Variants in CDH13 observed in about 807,000 individuals in gnomAD.
CDH13 encodes cadherin 13.
CDH13 carries 24 observed loss-of-function variants against 63.8 expected under a neutral mutation model. The observed-to-expected ratio is 0.38, with a 90% CI of 0.27 to 0.53. The LOEUF (loss-of-function observed/expected upper bound fraction) is 0.53, where lower values mean the gene tolerates loss of function less well. CDH13 is among the 20% of genes least tolerant of loss of function. The probability of loss-of-function intolerance (pLI) is 0.85; values close to 1 mark genes in which losing one functional copy is unlikely to be tolerated. For synonymous variants in CDH13, 503 were observed against 355.3 expected, an observed-to-expected ratio of 1.42 and a Z score of -4.67; for missense variants, 1,049 against 903.1, an observed-to-expected ratio of 1.16 and a Z score of -2.07.
chr16:83,512,190 G>A (rs2074584143), intron 7 of CDH13, among the ~76,000 whole-genome samples: 1 of 151,384 alleles, frequency 6.6e-6, no homozygotes, highest in South Asian at 2.1e-4. Flanking sequence ...ACATGGTGGC[G>A]GGTGCCTGTA....
intron 1 of CDH13, among the ~76,000 whole-genome samples, chr16:82,667,537 C>T (rs888577479): frequency 2.0e-5 from 3 of 152,132 alleles, no homozygotes; most frequent in Non-Finnish European, 4.4e-5. Flanking sequence ...TGATGGGGCT[C>T]CTCTACCGAG....
chr16:83,175,089 A>G (rs78134466), intron 4 of CDH13, among the ~76,000 whole-genome samples: 1,795 of 152,138 alleles, frequency 0.012, 30 homozygotes, highest in African/African-American at 0.04. Context: ...GCTGGTGGCT[A>G]TTATATGCAG....
At chr16:82,741,140 T>C (rs1411221945) in intron 1 of CDH13, among the ~76,000 whole-genome samples, 2 of 152,182 alleles carry the variant, frequency 1.3e-5, no homozygotes, top group African/African-American at 2.4e-5. Flanking sequence ...CCAAAACTTG[T>C]CCTGTTCATT....
At chr16:83,180,145 T>TG (rs1302190356) in intron 4 of CDH13, among the ~76,000 whole-genome samples, 10 of 149,446 alleles carry the variant, frequency 6.7e-5, no homozygotes, top group African/African-American at 2.0e-4. Context: ...TAAGGTTTTT[T>TG]TTGTTGTTGT....
At chr16:83,719,439 G>A (rs1909385471) in intron 10 of CDH13, among the ~76,000 whole-genome samples, 1 of 149,090 alleles carries the variant, frequency 6.7e-6, no homozygotes, top group Non-Finnish European at 1.5e-5. Context: ...CTCACCCACG[G>A]CCCTCTCAGT....
chr16:82,837,731 A>T (rs1270061989), intron 1 of CDH13, among the ~76,000 whole-genome samples: 1 of 152,184 alleles, frequency 6.6e-6, no homozygotes, highest in Non-Finnish European at 1.5e-5. Flanking sequence ...CTGGGAGCTC[A>T]TCGAGCTGGT....
At chr16:83,487,888 A>C (rs561948578) in intron 7 of CDH13, among the ~76,000 whole-genome samples, 19 of 152,326 alleles carry the variant, frequency 1.2e-4, no homozygotes, top group Middle Eastern at 3.4e-3. Flanking sequence ...GGATTACATC[A>C]ACCCCTTCTA....
intron 1 of CDH13, among the ~76,000 whole-genome samples, chr16:82,762,155 C>T (rs1352553793): frequency 1.3e-5 from 2 of 152,104 alleles, no homozygotes; most frequent in Non-Finnish European, 2.9e-5. Flanking sequence ...CCCCAAGTGA[C>T]CTGCACATCG....
chr16:83,315,433 C>G (rs972883907), intron 5 of CDH13, among the ~76,000 whole-genome samples: 1 of 152,168 alleles, frequency 6.6e-6, no homozygotes, highest in African/African-American at 2.4e-5. Flanking sequence ...TAAACCTCAC[C>G]TCCAACCCCA....
intron 5 of CDH13, among the ~76,000 whole-genome samples, chr16:83,251,603 GGGGCCAGTTCTAGAGAA>G (rs1439046819): frequency 6.6e-6 from 1 of 152,202 alleles, no homozygotes; most frequent in Non-Finnish European, 1.5e-5. Flanking sequence ...AGCAGAGGGT[GGGGCCAGTTCTAGAGAA>G]GGCACATCAC....
rs140674704 is a variant in CDH13 at position 82,881,968 on chromosome 16, A to G, written c.157+23495A>G. Among the ~76,000 whole-genome samples the G allele has an allele frequency of 3.2e-3, 485 of 151,980 alleles. 2 individuals carry two copies. Among genetic ancestry groups the G allele is most frequent in the African/African-American group, 0.011 (435 of 41,422 alleles). On this transcript the variant is annotated intron_variant, in intron 2 of 13. Transcript: ENST00000567109. ...CAGTACTAATTCCTGTCTTTCAAGA[A>G]CTCTGTCTTTCAAGTTCCCCATTAT...
intron 9 of CDH13, among the ~76,000 whole-genome samples, chr16:83,672,097 C>G (rs1020124778): frequency 6.6e-6 from 1 of 152,216 alleles, no homozygotes; most frequent in African/African-American, 2.4e-5. Context: ...GCTGCCCACT[C>G]CCTGTGTGCC....
At chr16:83,229,182 A>G (rs1038002899) in intron 5 of CDH13, among the ~76,000 whole-genome samples, 3 of 152,284 alleles carry the variant, frequency 2.0e-5, no homozygotes, top group Admixed American at 2.0e-4. Context: ...TTTCAAGAAG[A>G]TAAGATTTAT....
chr16:83,775,528 C>A (rs553015190), intron 11 of CDH13, among the ~76,000 whole-genome samples: 2 of 152,188 alleles, frequency 1.3e-5, no homozygotes, highest in South Asian at 4.2e-4. Flanking sequence ...GAGAACATGG[C>A]CCCTGGGCTC....
chr16:83,050,370 A>G (rs1204331259), intron 3 of CDH13, among the ~76,000 whole-genome samples: 1 of 152,082 alleles, frequency 6.6e-6, no homozygotes. Context: ...AAGTCACCCA[A>G]CTGTCTTCTA....
chr16:82,951,832 A>G (rs949703107), intron 2 of CDH13, among the ~76,000 whole-genome samples: 6 of 152,338 alleles, frequency 3.9e-5, no homozygotes, highest in African/African-American at 1.2e-4. Flanking sequence ...GGGAATCAGG[A>G]GGCTCAGTAT....
intron 6 of CDH13, among the ~76,000 whole-genome samples, chr16:83,465,934 T>G (rs554994882): frequency 8.4e-4 from 128 of 152,330 alleles, no homozygotes; most frequent in Middle Eastern, 3.4e-3. Flanking sequence ...ACACTGCAAG[T>G]TGAAAGTCAC....
chr16:83,629,654 C>T (rs1014084693), intron 8 of CDH13, among the ~76,000 whole-genome samples: 2 of 152,192 alleles, frequency 1.3e-5, no homozygotes, highest in African/African-American at 4.8e-5. Context: ...ATTACACTCC[C>T]TCATTTATCA....
chr16:83,249,488 G>A (rs931778096), intron 5 of CDH13, among the ~76,000 whole-genome samples: 1 of 152,116 alleles, frequency 6.6e-6, no homozygotes, highest in Non-Finnish European at 1.5e-5. Flanking sequence ...TCTGCTTGAG[G>A]CACTCTGATA....
Sources: allele counts gnomAD v4.1 joint callset (sites outside exome capture counted in the v4.1 genomes callset), GRCh38; gene constraint gnomAD v4.1.1; transcripts MANE v1.5; gene names NCBI Gene and HGNC (gene_info 2026-07-23, HGNC 2026-07-21).